Variants in KCNN2 observed in about 807,000 individuals in gnomAD.
KCNN2 encodes the protein small conductance calcium-activated potassium channel protein 2.
In KCNN2, 24 loss-of-function variants were observed where a neutral mutation model predicts 55.5. The observed-to-expected ratio is 0.43, with a 90% confidence interval of 0.31 to 0.61. The LOEUF (loss-of-function observed/expected upper bound fraction) is 0.61, where lower values mean the gene tolerates loss of function less well. Ranked by LOEUF, KCNN2 falls within the 20% of genes least tolerant of loss-of-function variation. KCNN2 has a pLI of 0.08. For synonymous variants in KCNN2, 431 were observed against 336.1 expected, an observed-to-expected ratio of 1.28 and a Z score of -3.09; for missense variants, 754 against 853.6, an observed-to-expected ratio of 0.88 and a Z score of 1.45.
At chr5:114,358,380 G>A (rs1757337691), upstream of KCNN2, among the ~76,000 whole-genome samples, 1 of 152,136 alleles carries the variant, frequency 6.6e-6, no homozygotes, top group African/African-American at 2.4e-5. Context: ...TGTGGGATGG[G>A]TGTTTGTGTG....
At chr5:114,439,464 A>G (rs1287780273) in intron 3 of KCNN2, among the ~76,000 whole-genome samples, 2 of 152,154 alleles carry the variant, frequency 1.3e-5, no homozygotes, top group Non-Finnish European at 2.9e-5. Flanking sequence ...ATTCTGTTTT[A>G]TTACAAAATG....
chr5:114,094,417 G>C (rs1257678287), intron 1 of KCNN2, among the ~76,000 whole-genome samples: 2 of 152,202 alleles, frequency 1.3e-5, no homozygotes, highest in African/African-American at 2.4e-5. Flanking sequence ...CTCTGTAGTT[G>C]TCTAGTCAGG....
intron 2 of KCNN2, among the ~76,000 whole-genome samples, chr5:114,256,225 G>GTA (rs1266662196): frequency 6.6e-5 from 10 of 151,572 alleles, no homozygotes; most frequent in African/African-American, 9.7e-5. Flanking sequence ...GGGTGTGTGT[G>GTA]TATATATATA....
intron 2 of KCNN2, among the ~76,000 whole-genome samples, chr5:114,338,075 C>A (rs36951): frequency 0.036 from 5,518 of 152,252 alleles, 128 homozygotes; most frequent in Non-Finnish European, 0.057. Flanking sequence ...GTACGTTTTG[C>A]AGGACATTTT....
intron 1 of KCNN2, among the ~76,000 whole-genome samples, chr5:114,203,339 G>A (rs1311789800): frequency 1.3e-5 from 2 of 152,166 alleles, no homozygotes; most frequent in African/African-American, 2.4e-5. Flanking sequence ...GACAGGACAA[G>A]ATTCTAATGT....
intron 1 of KCNN2, among the ~76,000 whole-genome samples, chr5:114,202,532 T>A (rs1753692199): frequency 1.4e-5 from 2 of 147,782 alleles, no homozygotes; most frequent in South Asian, 2.1e-4. Flanking sequence ...AATGTATATA[T>A]GCCTAGTATA....
intron 2 of KCNN2, among the ~76,000 whole-genome samples, chr5:114,353,142 CTTT>C (rs1424834193): frequency 6.6e-6 from 1 of 151,466 alleles, no homozygotes; most frequent in African/African-American, 2.4e-5. Flanking sequence ...AAATTGTCTT[CTTT>C]GTCTCCAGTT....
intron 2 of KCNN2, among the ~76,000 whole-genome samples, chr5:114,227,411 T>C (rs1396154568): frequency 6.6e-6 from 1 of 152,212 alleles, no homozygotes; most frequent in Non-Finnish European, 1.5e-5. Flanking sequence ...ACTTTCTCCT[T>C]TACTCATGCC....
chr5:114,446,866 C>T (rs912820535), intron 3 of KCNN2, among the ~76,000 whole-genome samples: 28 of 152,190 alleles, frequency 1.8e-4, no homozygotes, highest in African/African-American at 6.3e-4. Flanking sequence ...CACACCACTG[C>T]GCTCCAGACT....
chr5:114,382,438 T>C (rs964751955), intron 2 of KCNN2, among the ~76,000 whole-genome samples: 8 of 152,226 alleles, frequency 5.3e-5, no homozygotes, highest in Non-Finnish European at 8.8e-5. Context: ...TGTATATATC[T>C]TTGTGAGGTT....
intron 1 of KCNN2, among the ~76,000 whole-genome samples, chr5:114,135,776 T>C (rs1752162725): frequency 1.3e-5 from 2 of 152,204 alleles, no homozygotes; most frequent in Non-Finnish European, 2.9e-5. Flanking sequence ...CTTTGAAATA[T>C]GGATTATTAA....
intron 2 of KCNN2, among the ~76,000 whole-genome samples, chr5:114,263,156 C>A (rs965845434): frequency 2.6e-5 from 4 of 151,552 alleles, no homozygotes; most frequent in African/African-American, 9.7e-5. Context: ...AGCATGTTGG[C>A]AGAAAGCTGA....
chr5:114,400,789 G>A (rs1225392022), intron 2 of KCNN2, among the ~76,000 whole-genome samples: 1 of 152,046 alleles, frequency 6.6e-6, no homozygotes, highest in African/African-American at 2.4e-5. Context: ...TTACATGACT[G>A]GCTTTTCTCT....
chr5:114,369,591 G>A (rs1425889930), intron 2 of KCNN2, among the ~76,000 whole-genome samples: 2 of 152,094 alleles, frequency 1.3e-5, no homozygotes, highest in African/African-American at 4.8e-5. Flanking sequence ...TTTGTTGAGT[G>A]GTGTTCAGCT....
chr5:114,346,081 C>G (rs1196349304), intron 2 of KCNN2, among the ~76,000 whole-genome samples: 1 of 152,156 alleles, frequency 6.6e-6, no homozygotes, highest in Non-Finnish European at 1.5e-5. Context: ...AGTGCTCAGC[C>G]CTCAGGGAGC....
intron 3 of KCNN2, among the ~76,000 whole-genome samples, chr5:114,423,416 C>G (rs770066406): frequency 6.6e-6 from 1 of 152,090 alleles, no homozygotes; most frequent in African/African-American, 2.4e-5. Flanking sequence ...CAAAAGCTAA[C>G]TTCTCCAGGG....
At chr5:114,231,990 A>G (rs1477700179) in intron 2 of KCNN2, among the ~76,000 whole-genome samples, 1 of 151,124 alleles carries the variant, frequency 6.6e-6, no homozygotes, top group East Asian at 1.9e-4. Flanking sequence ...AAAGCGTTGA[A>G]TTCATTTTAA....
intron 2 of KCNN2, among the ~76,000 whole-genome samples, chr5:114,373,484 C>A (rs1030757048): frequency 6.6e-6 from 1 of 150,450 alleles, no homozygotes; most frequent in African/African-American, 2.4e-5. Flanking sequence ...ACTGTTTTTA[C>A]AACATAGTCT....
chr5:114,088,463 C>T (rs956337653), intron 1 of KCNN2, among the ~76,000 whole-genome samples: 5 of 151,958 alleles, frequency 3.3e-5, no homozygotes, highest in African/African-American at 1.2e-4. Flanking sequence ...TTAGAAATCA[C>T]TGAAGCTCTG....
Sources: allele counts gnomAD v4.1 joint callset (sites outside exome capture counted in the v4.1 genomes callset), GRCh38; gene constraint gnomAD v4.1.1; transcripts MANE v1.5; gene names NCBI Gene and HGNC (gene_info 2026-07-23, HGNC 2026-07-21).